The following HPSE2 variants were observed in gnomAD, a reference collection of about 807,000 sequenced individuals.
The protein encoded by HPSE2 is heparanase 2 (inactive), also known as inactive heparanase-2.
Under a neutral mutation model 60.5 loss-of-function variants are expected in HPSE2, and 38 were observed. That is an observed-to-expected ratio of 0.63 (90% CI 0.48 to 0.82). HPSE2 has a LOEUF of 0.82. HPSE2 is among the 40% of genes least tolerant of loss of function. HPSE2 has a pLI of 0.00. For synonymous variants in HPSE2, 295 were observed against 293.2 expected (o/e 1.01, Z -0.06); for missense variants, 713 against 740.4 (o/e 0.96, Z 0.43).
At chr10:98,571,129 T>C (rs1019505865) in intron 9 of HPSE2, among the ~76,000 whole-genome samples, 2 of 152,204 alleles carry the variant, frequency 1.3e-5, no homozygotes, top group African/African-American at 2.4e-5. Flanking sequence ...AGGAGAAATA[T>C]TTCTAGAAAA....
At chr10:99,215,569 A>G (rs1849092150) in intron 2 of HPSE2, among the ~76,000 whole-genome samples, 1 of 152,246 alleles carries the variant, frequency 6.6e-6, no homozygotes, top group Non-Finnish European at 1.5e-5. Context: ...TGGCACAAGT[A>G]TACCTAGGTA....
At chr10:98,966,868 A>G (rs1033463915) in intron 3 of HPSE2, among the ~76,000 whole-genome samples, 4 of 152,246 alleles carry the variant, frequency 2.6e-5, no homozygotes, top group African/African-American at 9.6e-5. Context: ...CATTTTATGC[A>G]TATAACAAAA....
intron 2 of HPSE2, among the ~76,000 whole-genome samples, chr10:99,224,941 T>C (rs904975272): frequency 2.6e-5 from 4 of 152,036 alleles, no homozygotes; most frequent in Non-Finnish European, 5.9e-5. Context: ...CTTCTAGCAG[T>C]AGGCACGTGG....
At chr10:98,738,470 A>T (rs763853603) in intron 4 of HPSE2, among the ~76,000 whole-genome samples, 36 of 152,222 alleles carry the variant, frequency 2.4e-4, no homozygotes, top group Non-Finnish European at 4.4e-4. Flanking sequence ...GCCAAAATTG[A>T]CAAATGGGAT....
intron 9 of HPSE2, among the ~76,000 whole-genome samples, chr10:98,510,393 G>T (rs1052192583): frequency 6.6e-6 from 1 of 152,122 alleles, no homozygotes; most frequent in African/African-American, 2.4e-5. Flanking sequence ...TGAATCCTCT[G>T]CTCAGATCTT....
chr10:99,254,338 A>G, the HPSE2 span, among the ~76,000 whole-genome samples: 1 of 152,218 alleles, frequency 6.6e-6, no homozygotes, highest in East Asian at 1.9e-4. Flanking sequence ...AGTGGGAGAT[A>G]AACATTGGGT....
intron 9 of HPSE2, among the ~76,000 whole-genome samples, chr10:98,571,986 G>A (rs193026156): frequency 0.024 from 3,338 of 140,724 alleles, 139 homozygotes; most frequent in African/African-American, 0.081. Context: ...TTGCCCAGGC[G>A]GGAGTGCAGT....
At chr10:98,699,537 A>C (rs1948341170) in intron 5 of HPSE2, among the ~76,000 whole-genome samples, 2 of 118,818 alleles carry the variant, frequency 1.7e-5, no homozygotes, top group South Asian at 8.2e-4. Flanking sequence ...CCAATATCAT[A>C]CTGAATGGGC....
At position 98,734,570 on chromosome 10, in the gene HPSE2, T is replaced by A. The variant is rs114080759; in HGVS notation, c.784+9313A>T. ...CCATCCTAGTAAGTGTGAAGTGGTA[T>A]TTAATTGTGGTTTTGATTTGCTTTT... On this transcript the variant is annotated intron_variant, in intron 4 of 11. Coordinates refer to ENST00000370552, the MANE Select transcript of HPSE2 (RefSeq NM_021828.5). 4.4e-3 allele frequency among the ~76,000 whole-genome samples: 669 copies of A among 152,312 alleles called. 3 individuals carry two copies. The highest frequency in any genetic ancestry group is 0.015 in the African/African-American group (636 of 41,562).
At chr10:98,494,705 C>T (rs1056729355) in intron 9 of HPSE2, among the ~76,000 whole-genome samples, 3 of 152,174 alleles carry the variant, frequency 2.0e-5, no homozygotes, top group African/African-American at 7.2e-5. Context: ...CACAAAATTA[C>T]ATCTTGATAC....
intron 3 of HPSE2, among the ~76,000 whole-genome samples, chr10:99,098,818 G>A (rs1843820760): frequency 6.6e-6 from 1 of 152,160 alleles, no homozygotes; most frequent in African/African-American, 2.4e-5. Context: ...TATTTTATCA[G>A]TAATACTTCA....
intron 2 of HPSE2, among the ~76,000 whole-genome samples, chr10:99,186,123 C>CACACACACACACACACACAT (rs1564879539): frequency 3.6e-4 from 53 of 145,882 alleles, no homozygotes; most frequent in Non-Finnish European, 6.6e-4. Context: ...CACACACACA[C>CACACACACACACACACACAT]ACACACACAC....
chr10:99,229,345 A>G (rs1849575020), intron 2 of HPSE2, among the ~76,000 whole-genome samples: 1 of 152,098 alleles, frequency 6.6e-6, no homozygotes, highest in Non-Finnish European at 1.5e-5. Context: ...CATTCTCTCA[A>G]TCCTCTCAGG....
intron 9 of HPSE2, among the ~76,000 whole-genome samples, chr10:98,528,656 C>A (rs929608666): frequency 2.0e-5 from 3 of 152,062 alleles, no homozygotes; most frequent in African/African-American, 7.2e-5. Context: ...ACCTGGACAC[C>A]CAGAATGAAT....
At chr10:99,207,003 C>T (rs1289618940) in intron 2 of HPSE2, among the ~76,000 whole-genome samples, 1 of 151,984 alleles carries the variant, frequency 6.6e-6, no homozygotes, top group East Asian at 1.9e-4. Context: ...AAAATAATAG[C>T]AGAATATTTT....
intron 3 of HPSE2, among the ~76,000 whole-genome samples, chr10:98,808,706 G>A (rs796133780): frequency 5.9e-5 from 9 of 152,150 alleles, no homozygotes; most frequent in South Asian, 2.1e-4. Flanking sequence ...AAATCTGAGC[G>A]CAATCTGGGC....
intron 3 of HPSE2, among the ~76,000 whole-genome samples, chr10:99,108,956 T>C (rs10883263): frequency 0.51 from 77,213 of 151,942 alleles, 21,405 homozygotes; most frequent in East Asian, 0.65. Context: ...CACTTTATCC[T>C]TATCTCTAAG....
intron 2 of HPSE2, among the ~76,000 whole-genome samples, chr10:99,201,900 C>A (rs1484716075): frequency 2.0e-5 from 3 of 152,108 alleles, no homozygotes; most frequent in South Asian, 2.1e-4. Context: ...AAGATGAACA[C>A]GACGCCATAC....
At chr10:98,484,034 C>A (rs1210831823) in intron 10 of HPSE2, among the ~76,000 whole-genome samples, 3 of 152,122 alleles carry the variant, frequency 2.0e-5, no homozygotes, top group African/African-American at 7.2e-5. Context: ...TTTAAAATAC[C>A]TTTGTCAACC....
Sources: gnomAD v4.1 joint callset for allele counts (sites outside exome capture counted in the v4.1 genomes callset) on GRCh38, gnomAD v4.1.1 for gene constraint, MANE v1.5 for transcripts, NCBI Gene and HGNC (gene_info 2026-07-23, HGNC 2026-07-21) for gene names.